BMP10: variants seen among roughly 807,000 people sequenced by gnomAD.
The protein encoded by BMP10 is bone morphogenetic protein 10.
BMP10 carries 9 observed loss-of-function variants against 29.9 expected under a neutral mutation model. The observed-to-expected ratio is 0.30, with a 90% CI of 0.18 to 0.53. The LOEUF is 0.53. Among genes scored for constraint, BMP10 ranks in the 20% least tolerant of loss-of-function variants. The pLI, the probability that BMP10 is intolerant of heterozygous loss-of-function variation, is 0.96. For synonymous variants in BMP10, 202 were observed against 200.2 expected, an observed-to-expected ratio of 1.01 and a Z score of -0.07; for missense variants, 474 against 524.3, an observed-to-expected ratio of 0.90 and a Z score of 0.94.
Position 68,871,314 on chromosome 2 carries a change from T to C in BMP10, c.45A>G (p.Ala15=). 6.2e-7 allele frequency: 1 copy of C among 1,614,130 alleles called. No individual in the cohort carries two copies. Among genetic ancestry groups the C allele is most frequent in the Non-Finnish European group, 8.5e-7 (1 of 1,180,010 alleles). The change falls in exon 1 of 2, where the codon GCA becomes GCG. Residue 15 remains alanine, a synonymous_variant. Transcript: ENST00000295379. The part of the protein sequence containing the change: ...VLTLCALFCL[A]AYLVSGSPIM... Reference sequence around the variant, plus strand: ...TGGGGCTGCCAGAAACCAAGTAAGCTGCCAGGCAGAAAAGAGCGCACAGTG... The same window carrying C: ...TGGGGCTGCCAGAAACCAAGTAAGCCGCCAGGCAGAAAAGAGCGCACAGTG...
rs555088521 is a variant in BMP10, at chr2:68,871,089, G to A, written c.270C>T (p.Asn90=). Residue 90 remains asparagine (N), a synonymous_variant, in exon 1 of 2, where the codon AAC becomes AAT. Coordinates refer to ENST00000295379, the MANE Select transcript of BMP10 (RefSeq NM_014482.3). ...TGGAGGTCCGATCTGTTGCAAATTT[G>A]TTGTAGAGTTCCAACATGTACTCTG... ...DPPEYMLELY[N]KFATDRTSMP... is the part of the protein sequence containing the mutation. The A allele has an allele frequency of 1.4e-5, 23 of 1,614,098 alleles. No individual in the cohort carries two copies. In the Admixed American group the frequency reaches 2.3e-4, roughly 16 times the overall value.
At position 68,865,760 on chromosome 2, in the gene BMP10, C is replaced by A; in HGVS notation, c.1146G>T (p.Gln382His). Residue 382 changes from glutamine to histidine, a missense_variant, in exon 2 of 2, where the codon CAG (glutamine) becomes CAT (histidine). Transcript: ENST00000295379. The surrounding 1 kb of genome is among the most constrained non-coding windows in gnomAD (Gnocchi z 4.7). ...GCACACAGCAGGCTTTGGAAGCTTT[C>A]TGGGAATTCTTGAGGTGGACCAAGG... ...IQALVHLKNS[Q>H]KASKACCVPT... 6.2e-7 allele frequency: 1 copy of A among 1,614,048 alleles called. No individual in the cohort carries two copies. The highest frequency in any genetic ancestry group is 1.7e-5 in the Admixed American group (1 of 60,016).
In BMP10 at chr2:68,861,231, G is replaced by T. The variant is rs1682848344; in HGVS notation, c.*4400C>A. ...ATGACCGTGCATCAGCTGATTCGGTGTGTCTGTGGTGTTCGCTGATTTCCA... is the reference window on the plus strand; with the variant it reads ...ATGACCGTGCATCAGCTGATTCGGTTTGTCTGTGGTGTTCGCTGATTTCCA... On this transcript the variant is annotated 3_prime_UTR_variant, in exon 2 of 2. Transcript: ENST00000295379. Among the ~76,000 whole-genome samples the T allele has an allele frequency of 6.6e-6, 1 of 152,192 alleles. No individual in the cohort carries two copies. Among genetic ancestry groups the T allele is most frequent in the African/African-American group, 2.4e-5 (1 of 41,448 alleles).
Position 68,871,089 on chromosome 2 carries a change from G to T in BMP10, c.270C>A (p.Asn90Lys). 2 of 1,614,098 alleles carry T rather than the reference G, an allele frequency of 1.2e-6. No individual in the cohort carries two copies. The highest frequency in any genetic ancestry group is 2.2e-5 in the East Asian group (1 of 44,892). Residue 90 changes from asparagine to lysine, a missense_variant, in exon 1 of 2, where the codon AAC (asparagine) becomes AAA (lysine). Physicochemically the swap from Asn to Lys is moderately conservative, Grantham distance 94 (BLOSUM62 0). This residue lies in a region of BMP10 where 408 missense variants were observed against 415.3 expected (regional missense o/e 0.98). Transcript: ENST00000295379. ...DPPEYMLELY[N>K]KFATDRTSMP... ...TGGAGGTCCGATCTGTTGCAAATTT[G>T]TTGTAGAGTTCCAACATGTACTCTG... is the stretch of plus-strand genomic sequence containing the variant.
At chr2:68,869,033 A>T (rs1339995226) in intron 1 of BMP10, among the ~76,000 whole-genome samples, 1 of 152,248 alleles carries the variant, frequency 6.6e-6, no homozygotes, top group African/African-American at 2.4e-5. Flanking sequence ...AGTAAGCAAT[A>T]GATGGAAGAG....
At position 68,871,186 on chromosome 2, in the gene BMP10, A is replaced by T; in HGVS notation, c.173T>A (p.Met58Lys). Residue 58 changes from methionine to lysine, a missense_variant, in exon 1 of 2, where the codon ATG (methionine) becomes AAG (lysine). Coordinates refer to ENST00000295379, the MANE Select transcript of BMP10 (RefSeq NM_014482.3). The stretch of plus-strand genomic sequence containing the variant: ...TAGTGTCTTAAGAAACTCATCCTTC[A>T]TGCTCTGGAGCAGTGTGTTAAAGTC... The part of the protein sequence containing the change: ...GVDFNTLLQS[M>K]KDEFLKTLNL... 6.2e-7 allele frequency: 1 copy of T among 1,614,130 alleles called. No individual in the cohort carries two copies. Among genetic ancestry groups the T allele is most frequent in the Non-Finnish European group, 8.5e-7 (1 of 1,180,024 alleles).
chr2:68,868,054 C>T (rs185818359), intron 1 of BMP10, among the ~76,000 whole-genome samples: 1 of 152,190 alleles, frequency 6.6e-6, no homozygotes, highest in African/African-American at 2.4e-5. Flanking sequence ...CCTGGCATGG[C>T]TCTCAAGACC....
At position 68,861,569 on chromosome 2, in the gene BMP10, A is replaced by T. The variant is rs1320928499; in HGVS notation, c.*4062T>A. On this transcript the variant is annotated 3_prime_UTR_variant, in exon 2 of 2. Coordinates refer to ENST00000295379, the MANE Select transcript of BMP10 (RefSeq NM_014482.3). The stretch of plus-strand genomic sequence containing the variant: ...CATATGTGAGCTTGCAGAACTGCAA[A>T]GGGTTGAGAATGACCCACAGTGACT... Among the ~76,000 whole-genome samples, 1 of 152,218 alleles carries T rather than the reference A, an allele frequency of 6.6e-6. No individual in the cohort carries two copies. Among genetic ancestry groups the T allele is most frequent in the Non-Finnish European group, 1.5e-5 (1 of 68,032 alleles).
At position 68,866,156 on chromosome 2, in the gene BMP10, G is replaced by T. The variant is rs2231345; in HGVS notation, c.750C>A (p.Asn250Lys). 2.8e-3 allele frequency: 4,469 copies of T among 1,614,004 alleles called. 117 individuals are homozygous for T. In the African/African-American group the frequency reaches 0.052, roughly 19 times the overall value. The change falls in exon 2 of 2, where the codon AAC becomes AAA. Residue 250 changes from asparagine to lysine, a missense_variant. By Grantham distance (94) the Asn-to-Lys change is moderately conservative. Coordinates refer to ENST00000295379, the MANE Select transcript of BMP10 (RefSeq NM_014482.3). ...EIDTSAQNKH[N>K]PLLIVFSDDQ... is the part of the protein sequence containing the mutation. Reference sequence around the variant, plus strand: ...CATCAGAAAACACGATGAGCAAAGGGTTATGCTTATTCTGGGCACTGGTAT... The same window carrying T: ...CATCAGAAAACACGATGAGCAAAGGTTTATGCTTATTCTGGGCACTGGTAT...
At position 68,866,230 on chromosome 2, in the gene BMP10, T is replaced by C. The variant is rs1443453710; in HGVS notation, c.676A>G (p.Ser226Gly). 3 of 1,613,924 alleles carry C rather than the reference T, an allele frequency of 1.9e-6. No individual in the cohort carries two copies. In the African/African-American group the frequency reaches 4.0e-5, roughly 22 times the overall value. Reference sequence around the variant, plus strand: ...GCATCCTCAGCTTCATCGTGTTTGCTCTCAATGTGGACCTCCAGCTGGTGG... The same window carrying C: ...GCATCCTCAGCTTCATCGTGTTTGCCCTCAATGTGGACCTCCAGCTGGTGG... The part of the protein sequence containing the change: ...STHQLEVHIE[S>G]KHDEAEDASS... The change falls in exon 2 of 2, where the codon AGC becomes GGC. Residue 226 changes from serine to glycine, a missense_variant. By Grantham distance (56) the Ser-to-Gly change is moderately conservative. Around this residue, in one of 2 missense-constraint regions of BMP10, gnomAD observed 408 missense variants for 415.3 expected, o/e 0.98. Transcript: ENST00000295379.
rs975752842 is a variant in BMP10 at position 68,863,385 on chromosome 2, A to G, written c.*2246T>C. Among the ~76,000 whole-genome samples the G allele has an allele frequency of 3.3e-5, 5 of 152,210 alleles. No individual in the cohort carries two copies. Among genetic ancestry groups the G allele is most frequent in the Admixed American group, 6.5e-5 (1 of 15,288 alleles). On this transcript the variant is annotated 3_prime_UTR_variant, in exon 2 of 2. Coordinates refer to ENST00000295379, the MANE Select transcript of BMP10 (RefSeq NM_014482.3). ...TTATCTAACCAGGACTATCCTGGTC[A>G]GCTGAGGTTTTACTGTGTATGTATT...
At chr2:68,866,919 TAACA>T (rs1682969306) in intron 1 of BMP10, among the ~76,000 whole-genome samples, 1 of 152,172 alleles carries the variant, frequency 6.6e-6, no homozygotes. Flanking sequence ...CCAAATTTCC[TAACA>T]AACAAAACGC....
rs1328423863 is a variant in BMP10 at position 68,863,705 on chromosome 2, A to C, written c.*1926T>G. ...CCAGGATTCACCCAGCAGACAACAGATCTAGCGAGCTGAGGTTCAAATTGG... is the reference window on the plus strand; with the variant it reads ...CCAGGATTCACCCAGCAGACAACAGCTCTAGCGAGCTGAGGTTCAAATTGG... On this transcript the variant is annotated 3_prime_UTR_variant, in exon 2 of 2. Coordinates refer to ENST00000295379, the MANE Select transcript of BMP10 (RefSeq NM_014482.3). 6.6e-6 allele frequency among the ~76,000 whole-genome samples: 1 copy of C among 152,164 alleles called. No homozygotes were observed. The highest frequency in any genetic ancestry group is 2.4e-5 in the African/African-American group (1 of 41,420).
At position 68,866,178 on chromosome 2, in the gene BMP10, G is replaced by A; in HGVS notation, c.728C>T (p.Thr243Ile). Residue 243 changes from threonine to isoleucine, a missense_variant, in exon 2 of 2, where the codon ACC (threonine) becomes ATC (isoleucine). By Grantham distance (89) the Thr-to-Ile change is moderately conservative. Around this residue, in one of 2 missense-constraint regions of BMP10, gnomAD observed 408 missense variants for 415.3 expected, o/e 0.98. Coordinates refer to ENST00000295379, the MANE Select transcript of BMP10 (RefSeq NM_014482.3). Reference protein sequence around the residue: ...DASSGRLEIDTSAQNKHNPLL... With the variant: ...DASSGRLEIDISAQNKHNPLL... ...AGGGTTATGCTTATTCTGGGCACTG[G>A]TATCTATTTCTAGCCGTCCACTGCT... The A allele has an allele frequency of 1.9e-6, 3 of 1,613,978 alleles. 1 individual carries two copies. Among genetic ancestry groups the A allele is most frequent in the Middle Eastern group, 3.3e-4 (2 of 6,062 alleles).
intron 1 of BMP10, among the ~76,000 whole-genome samples, chr2:68,868,216 T>A (rs1199178909): frequency 7.2e-5 from 11 of 152,224 alleles, no homozygotes; most frequent in Admixed American, 7.2e-4. Flanking sequence ...CTTTACCACC[T>A]GTCAAAACAC....
At position 68,866,032 on chromosome 2, in the gene BMP10, T is replaced by C; in HGVS notation, c.874A>G (p.Ser292Gly). 1 of 1,614,074 alleles carries C rather than the reference T, an allele frequency of 6.2e-7. No individual in the cohort carries two copies. Among genetic ancestry groups the C allele is most frequent in the Non-Finnish European group, 8.5e-7 (1 of 1,179,966 alleles). ...LDNLGLDSFSSGPGEEALLQM... is the reference protein window; with the variant it reads ...LDNLGLDSFSGGPGEEALLQM... The stretch of plus-strand genomic sequence containing the variant: ...AACAAAGCCTCTTCCCCAGGTCCAC[T>C]GGAAAAGCTATCCAGGCCCAAGTTG... Residue 292 changes from serine (S) to glycine (G), a missense_variant, in exon 2 of 2, where the codon AGT becomes GGT. Ser to Gly is a moderately conservative substitution (Grantham distance 56). Coordinates refer to ENST00000295379, the MANE Select transcript of BMP10 (RefSeq NM_014482.3).
chr2:68,871,257 T>C lies in BMP10; in HGVS notation c.102A>G (p.Glu34=). ...AAACATCACCAAAGAGGGACATATCTTCTTCCAGAGGAGACTGCTCTAGGT... is the reference window on the plus strand; with the variant it reads ...AAACATCACCAAAGAGGGACATATCCTCTTCCAGAGGAGACTGCTCTAGGT... ...IMNLEQSPLE[E]DMSLFGDVFS... is the part of the protein sequence containing the mutation. Residue 34 remains glutamate, a synonymous_variant, in exon 1 of 2, where the codon GAA becomes GAG. Coordinates refer to ENST00000295379, the MANE Select transcript of BMP10 (RefSeq NM_014482.3). 2 of 1,614,126 alleles carry C rather than the reference T, an allele frequency of 1.2e-6. No homozygotes were observed. Among genetic ancestry groups the C allele is most frequent in the Non-Finnish European group, 1.7e-6 (2 of 1,180,000 alleles).
rs1682900325 is a variant in BMP10 at position 68,863,569 on chromosome 2, T to C, written c.*2062A>G. Among the ~76,000 whole-genome samples the C allele has an allele frequency of 1.3e-5, 2 of 152,176 alleles. No homozygotes were observed. The highest frequency in any genetic ancestry group is 4.8e-5 in the African/African-American group (2 of 41,440). On this transcript the variant is annotated 3_prime_UTR_variant, in exon 2 of 2. Coordinates refer to ENST00000295379, the MANE Select transcript of BMP10 (RefSeq NM_014482.3). ...ACACACATACACACATCATGTTATA[T>C]GGAGGCTGTTCCACAAATAGTGATT...
intron 1 of BMP10, among the ~76,000 whole-genome samples, chr2:68,868,281 G>C (rs982546711): frequency 6.6e-6 from 1 of 151,992 alleles, no homozygotes; most frequent in African/African-American, 2.4e-5. Context: ...CCCTTGGAAA[G>C]CCCTTTCACC....
Sources: allele counts gnomAD v4.1 joint callset (sites outside exome capture counted in the v4.1 genomes callset), GRCh38; gene constraint gnomAD v4.1.1; regional missense constraint gnomAD v4.1.1; non-coding constraint Gnocchi (gnomAD v3.1); transcripts MANE v1.5; gene names NCBI Gene and HGNC (gene_info 2026-07-23, HGNC 2026-07-21).